Variants in NPHP4 observed in about 807,000 individuals in gnomAD.
NPHP4 encodes nephrocystin-4.
NPHP4 carries 151 observed loss-of-function variants against 155.8 expected under a neutral mutation model. The ratio of observed to expected loss-of-function variants is 0.97; its 90% CI spans 0.85 to 1.11. NPHP4 has a LOEUF of 1.11. Ranked by LOEUF, NPHP4 falls within the 50% of genes least tolerant of loss-of-function variation. The pLI is 0.00. For synonymous variants in NPHP4, 845 were observed against 816.8 expected, an observed-to-expected ratio of 1.03 and a Z score of -0.59; for missense variants, 1,956 against 1,925.7, an observed-to-expected ratio of 1.02 and a Z score of -0.29.
intron 7 of NPHP4, among the ~76,000 whole-genome samples, chr1:5,952,428 T>C (rs1036518199): frequency 2.0e-5 from 3 of 152,278 alleles, no homozygotes; most frequent in Non-Finnish European, 4.4e-5. Context: ...GGAGGCTCTG[T>C]GGGGGCCTTG....
intron 20 of NPHP4, chr1:5,876,121 A>G (rs1270448853): frequency 6.6e-6 from 1 of 152,266 alleles, no homozygotes; most frequent in Non-Finnish European, 1.5e-5. Flanking sequence ...AGAAACAGGG[A>G]TAGGGCTGAG....
At position 5,961,889 on chromosome 1, in the gene NPHP4, G is replaced by C. The variant is rs779760001; in HGVS notation, c.578C>G (p.Pro193Arg). ...AAGGTGGAACGCAGGCTCCAGGGCC[G>C]GGTGTGGCTTCAGCGTGTACTGCAG... ...CSLQYTLKPH[P>R]ALEPAFHLLP... Residue 193 changes from proline to arginine, a missense_variant, in exon 6 of 30, where the codon CCG becomes CGG. Physicochemically the swap from Pro to Arg is moderately radical, Grantham distance 103 (BLOSUM62 -2). Transcript: ENST00000378156. The C allele has an allele frequency of 1.2e-6, 2 of 1,613,760 alleles. No individual in the cohort carries two copies. Among genetic ancestry groups the C allele is most frequent in the Non-Finnish European group, 1.7e-6 (2 of 1,179,660 alleles).
rs1322803963 is a variant in NPHP4, at chr1:5,879,261, C to T, written c.2611+853G>A. ...TGAATTCACACAGATGATCTGCAACCTCTGGGGAAAATGCTCCTTAAAGAG... is the reference window on the plus strand; with the variant it reads ...TGAATTCACACAGATGATCTGCAACTTCTGGGGAAAATGCTCCTTAAAGAG... On this transcript the variant is annotated intron_variant, in intron 19 of 29. Transcript: ENST00000378156. 9.6e-5 allele frequency: 27 copies of T among 281,612 alleles called. 1 individual carries two copies. The highest frequency in any genetic ancestry group is 4.9e-5 in the Admixed American group (1 of 20,250). The allele number at this position is 281,612 out of a possible 1,614,324, so 17.4% of individuals were successfully genotyped here.
intron 6 of NPHP4, among the ~76,000 whole-genome samples, chr1:5,959,528 T>A (rs1003963662): frequency 6.6e-6 from 1 of 152,134 alleles, no homozygotes; most frequent in South Asian, 2.1e-4. Context: ...GCTGAGCCAG[T>A]CCAGTGACCT....
In NPHP4 at chr1:5,991,747, C is replaced by G. The variant is rs1447805158; in HGVS notation, c.-39+497G>C. ...AAGGCCGCAGAGCCACCGCGGGGAA[C>G]TGACAGCCGGAGCCGGAGCTGGAGC... is the stretch of plus-strand genomic sequence containing the variant. On this transcript the variant is annotated intron_variant, in intron 1 of 29. Coordinates refer to ENST00000378156, the MANE Select transcript of NPHP4 (RefSeq NM_015102.5). 2.0e-5 allele frequency among the ~76,000 whole-genome samples: 3 copies of G among 151,180 alleles called. No homozygotes were observed. In the East Asian group the frequency reaches 5.9e-4, roughly 30 times the overall value.
At chr1:5,960,300 A>G (rs180953665) in intron 6 of NPHP4, among the ~76,000 whole-genome samples, 27 of 152,260 alleles carry the variant, frequency 1.8e-4, no homozygotes, top group Admixed American at 9.2e-4. Flanking sequence ...TCCTCCCTGG[A>G]ATGCTGGAAA....
chr1:5,877,640 T>C (rs1243355679), intron 19 of NPHP4, among the ~76,000 whole-genome samples: 1 of 152,220 alleles, frequency 6.6e-6, no homozygotes, highest in East Asian at 1.9e-4. Context: ...AAGGGCCCAC[T>C]AATGCCTTCA....
At chr1:5,974,903 C>T (rs1323684298) in intron 3 of NPHP4, among the ~76,000 whole-genome samples, 1 of 152,118 alleles carries the variant, frequency 6.6e-6, no homozygotes. Flanking sequence ...CCCCTGCTAC[C>T]GGCAGCTCAC....
At chr1:5,866,934 A>G in intron 25 of NPHP4, 96 bp downstream of exon 25, 1 of 933,838 alleles carries the variant, frequency 1.1e-6, no homozygotes, top group Non-Finnish European at 1.7e-6. Context: ...AGAAAACCTA[A>G]AATGAAGAGG....
Position 5,876,882 on chromosome 1 carries a change from G to A in NPHP4, c.2817+211C>T, listed in dbSNP as rs183570337. 373 of 404,390 alleles carry A rather than the reference G, an allele frequency of 9.2e-4. 3 individuals carry two copies. The highest frequency in any genetic ancestry group is 6.7e-3 in the African/African-American group (325 of 48,638). 25.1% of individuals were successfully genotyped at this position (404,390 alleles called of 1,614,324 possible). On this transcript the variant is annotated intron_variant, in intron 20 of 29. Coordinates refer to ENST00000378156, the MANE Select transcript of NPHP4 (RefSeq NM_015102.5). The stretch of plus-strand genomic sequence containing the variant: ...CAGTATCAGAATCTCCAGGGGTGAC[G>A]CCCAAGAACTGGCTTTTATTAAAAG...
In NPHP4 at chr1:5,877,377, A is replaced by T; in HGVS notation, c.2612-79T>A. The T allele has an allele frequency of 2.5e-6, 3 of 1,222,594 alleles. No individual in the cohort carries two copies. The Admixed American group carries it at 6.7e-5, about 27-fold the overall frequency. 75.7% of individuals were successfully genotyped at this position (1,222,594 alleles called of 1,614,324 possible). Reference sequence around the variant, plus strand: ...GAGCAGACACCAGGGCAGGCCTCCCAGGACCACCTATATAGGGAGGGAGCT... The same window carrying T: ...GAGCAGACACCAGGGCAGGCCTCCCTGGACCACCTATATAGGGAGGGAGCT... On this transcript the variant is annotated intron_variant, in intron 19 of 29. Transcript: ENST00000378156.
At chr1:5,906,666 C>G (rs1644926795) in intron 13 of NPHP4, among the ~76,000 whole-genome samples, 1 of 152,274 alleles carries the variant, frequency 6.6e-6, no homozygotes, top group African/African-American at 2.4e-5. Context: ...TCCCCAAGGC[C>G]AGTGGCAATG....
At chr1:5,877,414 C>T (rs1475002669) in intron 19 of NPHP4, 116 bp from the exon 20 acceptor site, 1 of 724,056 alleles carries the variant, frequency 1.4e-6, no homozygotes, top group Non-Finnish European at 2.2e-6. Context: ...AAGAGTGCGG[C>T]TCATGCTTTT....
chr1:5,948,045 T>A, intron 8 of NPHP4, 25 bp downstream of exon 8: 1 of 1,595,076 alleles, frequency 6.3e-7, no homozygotes, highest in Non-Finnish European at 8.6e-7. Context: ...TCCCCACCCA[T>A]CCCTGGGGAC....
chr1:5,887,095 T>C (rs12076516), intron 18 of NPHP4, 191 bp downstream of exon 18: 4 of 588,628 alleles, frequency 6.8e-6, no homozygotes, highest in African/African-American at 3.7e-5. Context: ...AAATTCAGAA[T>C]GCAAACAACT....
intron 3 of NPHP4, among the ~76,000 whole-genome samples, chr1:5,977,543 G>A (rs11120934): frequency 0.66 from 100,294 of 151,652 alleles, 33,098 homozygotes; most frequent in East Asian, 0.76. Context: ...TGCTCAGTGC[G>A]TCTCCGAAAC....
chr1:5,968,132 C>A (rs1651872914), intron 4 of NPHP4, among the ~76,000 whole-genome samples: 1 of 151,952 alleles, frequency 6.6e-6, no homozygotes, highest in Non-Finnish European at 1.5e-5. Flanking sequence ...CATTACTCCT[C>A]ATATACAGAT....
chr1:5,900,224 G>A (rs763313340), intron 16 of NPHP4, among the ~76,000 whole-genome samples: 9 of 152,234 alleles, frequency 5.9e-5, no homozygotes, highest in Non-Finnish European at 1.0e-4. Context: ...TTACCTGTGA[G>A]TTGAAAGATT....
At chr1:5,927,089 G>A (rs945898097) in intron 11 of NPHP4, among the ~76,000 whole-genome samples, 1 of 152,242 alleles carries the variant, frequency 6.6e-6, no homozygotes, top group Non-Finnish European at 1.5e-5. Flanking sequence ...CTCAGCAGAA[G>A]CAGCTAGGCT....
Sources: allele counts gnomAD v4.1 joint callset (sites outside exome capture counted in the v4.1 genomes callset), GRCh38; gene constraint gnomAD v4.1.1; transcripts MANE v1.5; gene names NCBI Gene and HGNC (gene_info 2026-07-23, HGNC 2026-07-21).